The following G3BP1 variants were observed in gnomAD, a reference collection of about 807,000 sequenced individuals.
The protein encoded by G3BP1 is G3BP stress granule assembly factor 1.
In G3BP1, 35 loss-of-function variants were observed where a neutral mutation model predicts 58.6. The ratio of observed to expected loss-of-function variants is 0.60; its 90% CI spans 0.46 to 0.79. G3BP1 has a LOEUF of 0.79. G3BP1 is among the 30% of genes least tolerant of loss of function. G3BP1 has a pLI of 0.00. For missense variants in G3BP1, 523 were observed against 580.8 expected, an observed-to-expected ratio of 0.90 and a Z score of 1.02; for synonymous variants, 191 against 195.4, an observed-to-expected ratio of 0.98 and a Z score of 0.19.
intron 3 of G3BP1, 62 bp downstream of exon 3, chr5:151,790,466 G>GATGATT: frequency 1.2e-6 from 1 of 842,076 alleles, no homozygotes; most frequent in South Asian, 1.7e-5. Flanking sequence ...TAAAATTGAA[G>GATGATT]TGGATCATAC....
rs953234300 is a variant in G3BP1 at position 151,811,553 on chromosome 5, A to G, written c.*7462A>G. 2.0e-5 allele frequency: 3 copies of G among 152,188 alleles called. No individual in the cohort carries two copies. The highest frequency in any genetic ancestry group is 4.4e-5 in the Non-Finnish European group (3 of 68,032). 9.4% of individuals were successfully genotyped at this position (152,188 alleles called of 1,614,324 possible). On this transcript the variant is annotated 3_prime_UTR_variant, in exon 12 of 12. Transcript: ENST00000356245. ...AATCAGCATGGATATGTGTATATGGATGGTTCAATAAATATACTTTTATAT... is the reference window on the plus strand; with the variant it reads ...AATCAGCATGGATATGTGTATATGGGTGGTTCAATAAATATACTTTTATAT...
At chr5:151,774,310 C>CTAAG (rs1762328773) in intron 1 of G3BP1, among the ~76,000 whole-genome samples, 1 of 151,662 alleles carries the variant, frequency 6.6e-6, no homozygotes, top group Non-Finnish European at 1.5e-5. Context: ...TGTTTGTGAC[C>CTAAG]TACTTAGAGC....
chr5:151,808,156 G>A lies in G3BP1; in HGVS notation c.*4065G>A, dbSNP rs1348060087. The A allele has an allele frequency of 1.3e-5, 2 of 152,242 alleles. No homozygotes were observed. Among genetic ancestry groups the A allele is most frequent in the African/African-American group, 2.4e-5 (1 of 41,464 alleles). 9.4% of individuals were successfully genotyped at this position (152,242 alleles called of 1,614,324 possible). On this transcript the variant is annotated 3_prime_UTR_variant, in exon 12 of 12. Transcript: ENST00000356245. The stretch of plus-strand genomic sequence containing the variant: ...ACTAAGAATTTCTGGTTCTAAGGTA[G>A]TAATGCCTTTTGGGATTTATATTTG...
In G3BP1 at chr5:151,779,032, T is replaced by C. The variant is rs547196394; in HGVS notation, c.-50+6996T>C. On this transcript the variant is annotated intron_variant, in intron 1 of 11. Coordinates refer to ENST00000356245, the MANE Select transcript of G3BP1 (RefSeq NM_005754.3). ...CACTGCACTCCAGCCTGGGCGACAG[T>C]GGAAGATTCCTTCTAAAAAAAAAAA... Among the ~76,000 whole-genome samples, 3 of 151,562 alleles carry C rather than the reference T, an allele frequency of 2.0e-5. No homozygotes were observed. In the South Asian group the frequency reaches 6.3e-4, roughly 32 times the overall value.
At chr5:151,789,986 C>A (rs1762621529) in intron 2 of G3BP1, among the ~76,000 whole-genome samples, 1 of 151,494 alleles carries the variant, frequency 6.6e-6, no homozygotes. Context: ...CCAGCCTGGG[C>A]AACATAGTTG....
intron 5 of G3BP1, 126 bp from the exon 6 acceptor site, chr5:151,795,353 C>T: frequency 1.7e-6 from 1 of 596,052 alleles, no homozygotes. Context: ...ATGATTTTAC[C>T]AAATTGTCCT....
At chr5:151,788,615 T>TGTGTGTGTGTGTGTG (rs1276643889) in intron 2 of G3BP1, among the ~76,000 whole-genome samples, 20 of 147,336 alleles carry the variant, frequency 1.4e-4, no homozygotes, top group Admixed American at 1.1e-3. Flanking sequence ...TGTGTGTGTA[T>TGTGTGTGTGTGTGTG]TATTTATTTA....
chr5:151,799,965 G>A lies in G3BP1; in HGVS notation c.920G>A (p.Arg307Gln), dbSNP rs775783436. ...CGGGATCAAAGAGTGCGAGAACAAC[G>A]AATAAATATTCCTCCCCAAAGGGGA... is the stretch of plus-strand genomic sequence containing the variant. Reference protein sequence around the residue: ...PQRDQRVREQRINIPPQRGPR... With the variant: ...PQRDQRVREQQINIPPQRGPR... Residue 307 changes from arginine to glutamine, a missense_variant, in exon 9 of 12, where the codon CGA (arginine) becomes CAA (glutamine). Arg to Gln is a conservative substitution (Grantham distance 43). Coordinates refer to ENST00000356245, the MANE Select transcript of G3BP1 (RefSeq NM_005754.3). 12 of 1,611,662 alleles carry A rather than the reference G, an allele frequency of 7.4e-6. No homozygotes were observed. The highest frequency in any genetic ancestry group is 1.1e-5 in the South Asian group (1 of 91,002).
chr5:151,802,344 C>G (rs1238334191), intron 11 of G3BP1, among the ~76,000 whole-genome samples: 2 of 152,176 alleles, frequency 1.3e-5, no homozygotes, highest in Admixed American at 1.3e-4. Flanking sequence ...GGCCTAGTGG[C>G]CACCCTTCAT....
At chr5:151,772,787 C>G (rs2113208997) in intron 1 of G3BP1, 1 of 152,340 alleles carries the variant, frequency 6.6e-6, no homozygotes, top group African/African-American at 2.4e-5. Flanking sequence ...CTCCGAGCTC[C>G]CCGCTTCCCA....
At chr5:151,773,166 TCTA>T (rs1762305140) in intron 1 of G3BP1, among the ~76,000 whole-genome samples, 1 of 146,270 alleles carries the variant, frequency 6.8e-6, no homozygotes, top group Non-Finnish European at 1.5e-5. Flanking sequence ...TTTTTTTTTC[TCTA>T]CTTTTTTTTT....
intron 11 of G3BP1, among the ~76,000 whole-genome samples, chr5:151,802,973 G>A (rs900671942): frequency 4.6e-5 from 7 of 151,986 alleles, no homozygotes; most frequent in South Asian, 2.1e-4. Context: ...GAACACTTCC[G>A]CGACACATAG....
At chr5:151,788,827 G>GA (rs1315881835) in intron 2 of G3BP1, among the ~76,000 whole-genome samples, 2 of 151,522 alleles carry the variant, frequency 1.3e-5, no homozygotes, top group Admixed American at 6.6e-5. Flanking sequence ...GACCAGGCTG[G>GA]AGTGCAGTGG....
chr5:151,778,106 G>A (rs755956330), intron 1 of G3BP1, among the ~76,000 whole-genome samples: 3 of 151,968 alleles, frequency 2.0e-5, no homozygotes, highest in Non-Finnish European at 4.4e-5. Context: ...ATTTCTCTTG[G>A]GTAAATGCTT....
At chr5:151,785,102 C>T (rs1197199673) in intron 1 of G3BP1, among the ~76,000 whole-genome samples, 1 of 152,208 alleles carries the variant, frequency 6.6e-6, no homozygotes, top group Non-Finnish European at 1.5e-5. Flanking sequence ...ATCCACCTGC[C>T]TCAGCCTCCC....
intron 1 of G3BP1, among the ~76,000 whole-genome samples, chr5:151,777,681 A>G (rs1019157156): frequency 8.5e-5 from 13 of 152,186 alleles, no homozygotes; most frequent in African/African-American, 2.7e-4. Context: ...GCAGTGACCT[A>G]TGGTCATGCT....
Position 151,790,884 on chromosome 5 carries a change from T to C in G3BP1, c.178-5T>C. 1 of 1,522,610 alleles carries C rather than the reference T, an allele frequency of 6.6e-7. No homozygotes were observed. Among genetic ancestry groups the C allele is most frequent in the Non-Finnish European group, 9.0e-7 (1 of 1,107,084 alleles). The allele number at this position is 1,522,610 out of a possible 1,614,324, so 94.3% of individuals were successfully genotyped here. On this transcript the variant is annotated splice_polypyrimidine_tract_variant and splice_region_variant and intron_variant, in intron 3 of 11. Transcript: ENST00000356245. The stretch of plus-strand genomic sequence containing the variant: ...GATTATTATTATTATTATTATTTTT[T>C]TAAGGAAATCCACAGGAAAGTGATG...
Position 151,804,401 on chromosome 5 carries a change from TA to T in G3BP1, c.*311del, listed in dbSNP as rs1762909780. 1 of 233,370 alleles carries T rather than the reference TA, an allele frequency of 4.3e-6. No homozygotes were observed. Among genetic ancestry groups the T allele is most frequent in the East Asian group, 8.3e-5 (1 of 12,064 alleles). The allele number at this position is 233,370 out of a possible 1,614,324, so 14.5% of individuals were successfully genotyped here. A position where few individuals can be genotyped will look rare whatever the true frequency, so the allele number is the denominator to read the frequency against. ...ACAGACTGGATTTTTTTTTTTTTTT[TA>T]CAGCCATTTCCCCAAAGGAATGTCT... On this transcript the variant is annotated 3_prime_UTR_variant, in exon 12 of 12. Coordinates refer to ENST00000356245, the MANE Select transcript of G3BP1 (RefSeq NM_005754.3).
At chr5:151,777,735 G>A (rs1762397838) in intron 1 of G3BP1, among the ~76,000 whole-genome samples, 1 of 152,058 alleles carries the variant, frequency 6.6e-6, no homozygotes, top group South Asian at 2.1e-4. Flanking sequence ...TTAAAAGAAG[G>A]TATACCCATG....
Sources: gnomAD v4.1 joint callset for allele counts (sites outside exome capture counted in the v4.1 genomes callset) on GRCh38, gnomAD v4.1.1 for gene constraint, MANE v1.5 for transcripts, NCBI Gene and HGNC (gene_info 2026-07-23, HGNC 2026-07-21) for gene names.